Variants in PTPRZ1 observed in about 807,000 individuals in gnomAD.
PTPRZ1 encodes receptor-type tyrosine-protein phosphatase zeta.
PTPRZ1 carries 82 observed loss-of-function variants against 214.1 expected under a neutral mutation model. The ratio of observed to expected loss-of-function variants is 0.38; its 90% CI spans 0.32 to 0.46. PTPRZ1 has a LOEUF of 0.46. PTPRZ1 is among the 20% of genes least tolerant of loss of function. PTPRZ1 has a pLI of 1.00. For synonymous variants in PTPRZ1, 945 were observed against 987.9 expected (o/e 0.96, Z 0.81); for missense variants, 2,603 against 2,748.7 (o/e 0.95, Z 1.19).
intron 8 of PTPRZ1, among the ~76,000 whole-genome samples, chr7:121,987,500 G>A (rs1448530498): frequency 6.6e-6 from 1 of 152,106 alleles, no homozygotes; most frequent in Non-Finnish European, 1.5e-5. Context: ...TTCCACAATG[G>A]CTGGACTAAT....
chr7:122,009,702 C>A (rs989318451), intron 11 of PTPRZ1, among the ~76,000 whole-genome samples: 76 of 152,066 alleles, frequency 5.0e-4, no homozygotes, highest in Non-Finnish European at 7.9e-4. Context: ...CTAAGGGAAA[C>A]ACAAAATTAA....
intron 2 of PTPRZ1, among the ~76,000 whole-genome samples, chr7:121,955,549 A>T (rs1275332436): frequency 1.3e-5 from 2 of 152,184 alleles, no homozygotes; most frequent in Admixed American, 1.3e-4. Flanking sequence ...TCATAATTCC[A>T]TAAATAGTTT....
intron 1 of PTPRZ1, among the ~76,000 whole-genome samples, chr7:121,888,536 T>C (rs1794477502): frequency 6.6e-6 from 1 of 152,074 alleles, no homozygotes; most frequent in Non-Finnish European, 1.5e-5. Context: ...CAGAAAACAC[T>C]TATCCCTGTC....
chr7:121,950,198 T>A (rs1001290338), intron 2 of PTPRZ1, among the ~76,000 whole-genome samples: 2 of 152,186 alleles, frequency 1.3e-5, no homozygotes, highest in Admixed American at 1.3e-4. Flanking sequence ...TCAGGTCTCA[T>A]GAGACTTATT....
In PTPRZ1 at chr7:122,010,755, A is replaced by G; in HGVS notation, c.1709A>G (p.Glu570Gly). ...LNTVSITEYE[E>G]ESLLTSFKLD... ...ACAGTTTCTATAACAGAATATGAGG[A>G]GGAGAGTTTATTGACCAGTTTCAAG... Residue 570 changes from glutamate to glycine, a missense_variant, in exon 12 of 30, where the codon GAG (glutamate) becomes GGG (glycine). Physicochemically the swap from Glu to Gly is moderately conservative, Grantham distance 98 (BLOSUM62 -2). This residue lies in a region of PTPRZ1 where 1,913 missense variants were observed against 1,914.3 expected (regional missense o/e 1.00). Coordinates refer to ENST00000393386, the MANE Select transcript of PTPRZ1 (RefSeq NM_002851.3). The G allele has an allele frequency of 1.9e-6, 3 of 1,613,986 alleles. No homozygotes were observed. The highest frequency in any genetic ancestry group is 2.5e-6 in the Non-Finnish European group (3 of 1,179,966).
At chr7:121,945,814 C>T (rs528837427) in intron 2 of PTPRZ1, among the ~76,000 whole-genome samples, 2 of 152,252 alleles carry the variant, frequency 1.3e-5, no homozygotes, top group East Asian at 1.9e-4. Context: ...GAAAACTCCT[C>T]GTAGTTTAAA....
In PTPRZ1 at chr7:121,900,846, A is replaced by C. The variant is rs554785096; in HGVS notation, c.58+27289A>C. The stretch of plus-strand genomic sequence containing the variant: ...AAATCTCTACCTTCAAAGTCTAATA[A>C]TAAGTATGATGACCACTGTTTCTTG... On this transcript the variant is annotated intron_variant, in intron 1 of 29. Transcript: ENST00000393386. Among the ~76,000 whole-genome samples, 15 of 152,294 alleles carry C rather than the reference A, an allele frequency of 9.8e-5. No individual in the cohort carries two copies. The South Asian group carries it at 3.1e-3, about 32-fold the overall frequency.
chr7:121,971,160 C>G (rs1210457048), intron 3 of PTPRZ1, among the ~76,000 whole-genome samples: 2 of 151,978 alleles, frequency 1.3e-5, no homozygotes, highest in African/African-American at 4.8e-5. Context: ...CCATTGGTCT[C>G]TACCTCTGTT....
chr7:122,014,414 C>A (rs2116668988), intron 12 of PTPRZ1, among the ~76,000 whole-genome samples: 1 of 151,938 alleles, frequency 6.6e-6, no homozygotes, highest in Middle Eastern at 3.4e-3. Context: ...GCTTGGGGAG[C>A]TTTATTTATT....
At position 121,997,784 on chromosome 7, in the gene PTPRZ1, C is replaced by T. The variant is rs183127830; in HGVS notation, c.1114-96C>T. 2.7e-3 allele frequency: 2,709 copies of T among 993,862 alleles called. 15 individuals are homozygous for T. The highest frequency in any genetic ancestry group is 7.0e-3 in the Middle Eastern group (24 of 3,448). The allele number at this position is 993,862 out of a possible 1,614,324, so 61.6% of individuals were successfully genotyped here. A position where few individuals can be genotyped will look rare whatever the true frequency, so the allele number is the denominator to read the frequency against. On this transcript the variant is annotated intron_variant, in intron 9 of 29. Transcript: ENST00000393386. ...GTTAATAAAATAGAAGTATTTTCCA[C>T]GGACCAGGGAGAAAAAGTTTTCTAG...
chr7:121,918,124 C>T (rs777550213), intron 1 of PTPRZ1, among the ~76,000 whole-genome samples: 6 of 152,052 alleles, frequency 3.9e-5, no homozygotes, highest in Non-Finnish European at 8.8e-5. Context: ...GAAACTCTGC[C>T]TTGTCCAGAC....
chr7:122,014,816 T>A (rs943142727), intron 12 of PTPRZ1, among the ~76,000 whole-genome samples: 14 of 152,308 alleles, frequency 9.2e-5, no homozygotes, highest in Middle Eastern at 3.4e-3. Context: ...TTAAAAAAAA[T>A]TTTAATTTTT....
At chr7:122,039,223 T>G (rs968992154) in intron 19 of PTPRZ1, among the ~76,000 whole-genome samples, 2 of 152,176 alleles carry the variant, frequency 1.3e-5, no homozygotes, top group African/African-American at 4.8e-5. Flanking sequence ...CTCACTTGCC[T>G]TATCTGAAAG....
At chr7:121,970,146 G>T (rs1422044133) in intron 3 of PTPRZ1, among the ~76,000 whole-genome samples, 2 of 151,872 alleles carry the variant, frequency 1.3e-5, no homozygotes, top group African/African-American at 4.8e-5. Flanking sequence ...ATTTTTTATG[G>T]CTGCATAGTA....
chr7:121,953,478 TAC>T (rs1403407892), intron 2 of PTPRZ1, among the ~76,000 whole-genome samples: 1 of 152,234 alleles, frequency 6.6e-6, no homozygotes, highest in Non-Finnish European at 1.5e-5. Context: ...TTCAGCTATG[TAC>T]ATACTTGAAA....
At chr7:121,957,231 G>T (rs566278441) in intron 2 of PTPRZ1, among the ~76,000 whole-genome samples, 1 of 152,168 alleles carries the variant, frequency 6.6e-6, no homozygotes, top group Non-Finnish European at 1.5e-5. Context: ...AGCAGGTTTA[G>T]CAGACAATCT....
intron 2 of PTPRZ1, among the ~76,000 whole-genome samples, chr7:121,942,891 C>T (rs1450390144): frequency 6.6e-6 from 1 of 152,114 alleles, no homozygotes; most frequent in Non-Finnish European, 1.5e-5. Flanking sequence ...CAGCTGTTGG[C>T]CAGATAAATA....
chr7:122,021,010 A>AT (rs1799000449), intron 13 of PTPRZ1, among the ~76,000 whole-genome samples: 2 of 152,156 alleles, frequency 1.3e-5, no homozygotes, highest in Non-Finnish European at 2.9e-5. Flanking sequence ...ATCTAATCTG[A>AT]TTTTCCCTAC....
chr7:122,042,671 C>T lies in PTPRZ1; in HGVS notation c.5865C>T (p.His1955=), dbSNP rs368678018. 34 of 1,613,482 alleles carry T rather than the reference C, an allele frequency of 2.1e-5. No homozygotes were observed. In the African/African-American group the frequency reaches 2.9e-4, roughly 14 times the overall value. ...VLDSMLQQIQ[H]EGTVNIFGFL... ...ACAGTATGTTGCAGCAGATTCAACA[C>T]GAAGGAACTGTCAACATATTTGGCT... Residue 1955 remains histidine (H), a synonymous_variant, in exon 22 of 30, where the codon CAC becomes CAT. Coordinates refer to ENST00000393386, the MANE Select transcript of PTPRZ1 (RefSeq NM_002851.3).
Sources: allele counts gnomAD v4.1 joint callset (sites outside exome capture counted in the v4.1 genomes callset), GRCh38; gene constraint gnomAD v4.1.1; regional missense constraint gnomAD v4.1.1; transcripts MANE v1.5; gene names NCBI Gene and HGNC (gene_info 2026-07-23, HGNC 2026-07-21).